Variants in CDC73 observed in about 807,000 individuals in gnomAD.
CDC73 encodes parafibromin.
Under a neutral mutation model 83.7 loss-of-function variants are expected in CDC73, and 21 were observed. The observed-to-expected ratio is 0.25, with a 90% CI of 0.18 to 0.36. The LOEUF (loss-of-function observed/expected upper bound fraction) is 0.36. Among genes scored for constraint, CDC73 ranks in the 10% least tolerant of loss-of-function variants. The pLI is 1.00. For synonymous variants in CDC73, 224 were observed against 212.9 expected, an observed-to-expected ratio of 1.05 and a Z score of -0.45; for missense variants, 342 against 653.3, an observed-to-expected ratio of 0.52 and a Z score of 5.19.
Position 193,130,599 on chromosome 1 carries a change from T to C in CDC73, c.307+356T>C, listed in dbSNP as rs143539796. On this transcript the variant is annotated intron_variant, in intron 3 of 16. Transcript: ENST00000367435. Reference sequence around the variant, plus strand: ...AAAAATGTTTTTGATCCCACATTCCTACTGTCTACTGCTTCATTTATCTCC... The same window carrying C: ...AAAAATGTTTTTGATCCCACATTCCCACTGTCTACTGCTTCATTTATCTCC... Among the ~76,000 whole-genome samples the C allele has an allele frequency of 2.1e-3, 320 of 152,374 alleles. 2 individuals are homozygous for C. Among genetic ancestry groups the C allele is most frequent in the African/African-American group, 7.5e-3 (313 of 41,586 alleles).
chr1:193,149,255 T>C (rs1344014080), intron 8 of CDC73, among the ~76,000 whole-genome samples: 1 of 152,150 alleles, frequency 6.6e-6, no homozygotes, highest in Non-Finnish European at 1.5e-5. Flanking sequence ...AAGACAGTTT[T>C]TTCATGGACC....
At chr1:193,171,898 G>A (rs1676523460) in intron 10 of CDC73, among the ~76,000 whole-genome samples, 1 of 152,098 alleles carries the variant, frequency 6.6e-6, no homozygotes, top group African/African-American at 2.4e-5. Context: ...AAAATTTTAT[G>A]AATTTTTGGT....
At chr1:193,206,888 A>G (rs959323643) in intron 11 of CDC73, among the ~76,000 whole-genome samples, 1 of 152,238 alleles carries the variant, frequency 6.6e-6, no homozygotes, top group Non-Finnish European at 1.5e-5. Context: ...TAAACACTTT[A>G]AACCTATAAA....
chr1:193,125,231 A>G lies in CDC73; in HGVS notation c.237+14A>G. ...CGACGTGCAGCTGTAAGTAGAATTC[A>G]TTTTACTTATCTATCTATTTATCAG... On this transcript the variant is annotated intron_variant, in intron 2 of 16. Coordinates refer to ENST00000367435, the MANE Select transcript of CDC73 (RefSeq NM_024529.5). The G allele has an allele frequency of 7.2e-7, 1 of 1,391,172 alleles. No individual in the cohort carries two copies. The highest frequency in any genetic ancestry group is 2.3e-5 in the East Asian group (1 of 42,752). The allele number at this position is 1,391,172 out of a possible 1,614,324, so 86.2% of individuals were successfully genotyped here.
chr1:193,181,212 A>G (rs1676709337), intron 10 of CDC73: 1 of 1,613,988 alleles, frequency 6.2e-7, no homozygotes, highest in Admixed American at 1.7e-5. Flanking sequence ...TTCCATTGGC[A>G]CTAAGTGTAT....
chr1:193,208,662 A>T (rs1283159769), intron 11 of CDC73, among the ~76,000 whole-genome samples: 1 of 152,030 alleles, frequency 6.6e-6, no homozygotes, highest in Non-Finnish European at 1.5e-5. Context: ...TAGTTATAGG[A>T]CTTGCCAGTG....
intron 10 of CDC73, among the ~76,000 whole-genome samples, chr1:193,196,270 G>A (rs1677002372): frequency 6.6e-6 from 1 of 152,102 alleles, no homozygotes; most frequent in South Asian, 2.1e-4. Context: ...TGAATGGTCT[G>A]GACACCCTTG....
At chr1:193,230,412 G>T (rs577234098) in intron 13 of CDC73, among the ~76,000 whole-genome samples, 1 of 148,176 alleles carries the variant, frequency 6.7e-6, no homozygotes, top group South Asian at 2.1e-4. Flanking sequence ...CCCCCAAAGT[G>T]CTGGGATTAC....
intron 7 of CDC73, among the ~76,000 whole-genome samples, chr1:193,143,038 G>A (rs966899319): frequency 6.6e-6 from 1 of 152,036 alleles, no homozygotes; most frequent in African/African-American, 2.4e-5. Context: ...ATTTAACATT[G>A]TTTTAGGCAA....
rs1676084560 is a variant in CDC73 at position 193,150,390 on chromosome 1, G to C, written c.907+8G>C. 6.3e-7 allele frequency: 1 copy of C among 1,581,030 alleles called. No individual in the cohort carries two copies. The highest frequency in any genetic ancestry group is 8.7e-7 in the Non-Finnish European group (1 of 1,149,896). Reference sequence around the variant, plus strand: ...GATTCAAAGGAAAAGAAGGCAAGTTGCTTAATTCTTATCTTCCCCTTAGTG... The same window carrying C: ...GATTCAAAGGAAAAGAAGGCAAGTTCCTTAATTCTTATCTTCCCCTTAGTG... On this transcript the variant is annotated splice_region_variant and intron_variant, in intron 9 of 16. Coordinates refer to ENST00000367435, the MANE Select transcript of CDC73 (RefSeq NM_024529.5).
intron 10 of CDC73, among the ~76,000 whole-genome samples, chr1:193,166,396 T>C (rs1676434786): frequency 6.6e-6 from 1 of 152,158 alleles, no homozygotes; most frequent in African/African-American, 2.4e-5. Flanking sequence ...CTGCTTTGGC[T>C]TCTCAAAGTG....
Position 193,236,250 on chromosome 1 carries a change from T to C in CDC73, c.1317-6T>C, listed in dbSNP as rs1422764501. 4 of 1,606,586 alleles carry C rather than the reference T, an allele frequency of 2.5e-6. No homozygotes were observed. Among genetic ancestry groups the C allele is most frequent in the African/African-American group, 1.3e-5 (1 of 74,814 alleles). ...TACCTCCCCCCACCCACTTTTCTAC[T>C]TGTAGGGACCGCGTTGTAGCCGTTT... On this transcript the variant is annotated splice_region_variant and splice_polypyrimidine_tract_variant and intron_variant, in intron 14 of 16. Coordinates refer to ENST00000367435, the MANE Select transcript of CDC73 (RefSeq NM_024529.5).
intron 10 of CDC73, among the ~76,000 whole-genome samples, chr1:193,174,914 T>A (rs1320584122): frequency 6.6e-6 from 1 of 152,248 alleles, no homozygotes; most frequent in African/African-American, 2.4e-5. Context: ...ATGAAAATGC[T>A]TTAAACGAAA....
chr1:193,148,136 CT>C (rs1231505489), intron 8 of CDC73, among the ~76,000 whole-genome samples, 171 bp downstream of exon 8: 1 of 152,244 alleles, frequency 6.6e-6, no homozygotes, highest in Non-Finnish European at 1.5e-5. Context: ...AAGTTACTTA[CT>C]TCAGCAGTAA....
chr1:193,240,562 T>C (rs754525418), intron 15 of CDC73, among the ~76,000 whole-genome samples: 18 of 152,216 alleles, frequency 1.2e-4, no homozygotes, highest in Non-Finnish European at 1.8e-4. Context: ...TGGGGTAAGA[T>C]GATATTTCAT....
chr1:193,165,091 A>C (rs1676413094), intron 10 of CDC73, among the ~76,000 whole-genome samples: 1 of 152,170 alleles, frequency 6.6e-6, no homozygotes, highest in Admixed American at 6.5e-5. Context: ...AGGTCTCACT[A>C]CGTTGCCCAG....
intron 15 of CDC73, among the ~76,000 whole-genome samples, chr1:193,240,652 G>A (rs1053974902): frequency 3.9e-5 from 6 of 151,952 alleles, no homozygotes; most frequent in African/African-American, 1.5e-4. Context: ...TTATTTGTAT[G>A]TTACCTTTTG....
intron 16 of CDC73, 56 bp downstream of exon 16, chr1:193,249,927 A>G: frequency 6.4e-7 from 1 of 1,570,556 alleles, no homozygotes; most frequent in East Asian, 2.2e-5. Flanking sequence ...TTTCTGTCTC[A>G]GTTAAATTTT....
intron 15 of CDC73, among the ~76,000 whole-genome samples, chr1:193,243,179 A>T (rs377333435): frequency 5.1e-4 from 77 of 152,104 alleles, no homozygotes; most frequent in African/African-American, 1.7e-3. Flanking sequence ...TGACCTCAGG[A>T]TCCGCTCTCC....
Sources: gnomAD v4.1 joint callset for allele counts (sites outside exome capture counted in the v4.1 genomes callset) on GRCh38, gnomAD v4.1.1 for gene constraint, MANE v1.5 for transcripts, NCBI Gene and HGNC (gene_info 2026-07-23, HGNC 2026-07-21) for gene names.